CORIN: variants seen among roughly 807,000 people sequenced by gnomAD.
CORIN encodes corin, serine peptidase.
CORIN carries 117 observed loss-of-function variants against 125.3 expected under a neutral mutation model. The ratio of observed to expected loss-of-function variants is 0.93; its 90% CI spans 0.80 to 1.09. CORIN has a LOEUF of 1.09. CORIN is among the 50% of genes least tolerant of loss of function. The pLI, the probability that CORIN is intolerant of heterozygous loss-of-function variation, is 0.00. For missense variants in CORIN, 1,253 were observed against 1,306.7 expected, an observed-to-expected ratio of 0.96 and a Z score of 0.63; for synonymous variants, 450 against 466.4, an observed-to-expected ratio of 0.96 and a Z score of 0.45.
At chr4:47,661,386 A>G (rs1273195571) in intron 12 of CORIN, 3 of 187,634 alleles carry the variant, frequency 1.6e-5, no homozygotes, top group African/African-American at 7.0e-5. Flanking sequence ...TGGATATCTC[A>G]TCTACTTGAT....
intron 4 of CORIN, among the ~76,000 whole-genome samples, chr4:47,756,135 T>G (rs972349931): frequency 2.0e-5 from 3 of 152,094 alleles, no homozygotes; most frequent in Non-Finnish European, 4.4e-5. Flanking sequence ...TGATCAGAGA[T>G]TTGTCTGCAG....
At chr4:47,748,401 A>C (rs1728758929) in intron 4 of CORIN, among the ~76,000 whole-genome samples, 1 of 152,184 alleles carries the variant, frequency 6.6e-6, no homozygotes, top group Non-Finnish European at 1.5e-5. Context: ...GATTATTTTA[A>C]ATTGATGTCT....
chr4:47,618,911 T>A (rs771027147), intron 19 of CORIN, among the ~76,000 whole-genome samples: 1 of 151,754 alleles, frequency 6.6e-6, no homozygotes, highest in Non-Finnish European at 1.5e-5. Context: ...CAACCAAAAA[T>A]CTTGTTGGAT....
chr4:47,672,619 C>CGT (rs765384960), intron 10 of CORIN, among the ~76,000 whole-genome samples: 117 of 150,760 alleles, frequency 7.8e-4, no homozygotes, highest in South Asian at 3.0e-3. Flanking sequence ...ATATGTTATA[C>CGT]GTGTGTGTGT....
intron 20 of CORIN, among the ~76,000 whole-genome samples, chr4:47,601,092 A>C (rs1721431541): frequency 6.6e-6 from 1 of 152,206 alleles, no homozygotes; most frequent in Admixed American, 6.5e-5. Flanking sequence ...TATTGGAAGA[A>C]AGAGCCATTT....
intron 4 of CORIN, among the ~76,000 whole-genome samples, chr4:47,760,000 C>T (rs1048303016): frequency 6.6e-6 from 1 of 152,200 alleles, no homozygotes; most frequent in Non-Finnish European, 1.5e-5. Context: ...TTTTCACCTC[C>T]TGTCATGAAT....
At chr4:47,726,576 A>T (rs1393088214) in intron 5 of CORIN, among the ~76,000 whole-genome samples, 1 of 152,080 alleles carries the variant, frequency 6.6e-6, no homozygotes, top group African/African-American at 2.4e-5. Flanking sequence ...GACGAAGATG[A>T]TATATGTAGG....
intron 4 of CORIN, among the ~76,000 whole-genome samples, chr4:47,758,149 C>T (rs1729275726): frequency 6.6e-6 from 1 of 151,920 alleles, no homozygotes; most frequent in South Asian, 2.1e-4. Flanking sequence ...CTCCTGACCT[C>T]GTGATCTGCT....
intron 3 of CORIN, among the ~76,000 whole-genome samples, chr4:47,770,591 A>G (rs60486809): frequency 3.9e-5 from 6 of 152,354 alleles, no homozygotes; most frequent in African/African-American, 1.4e-4. Context: ...TCACTGCAGC[A>G]TTATTCACAA....
At chr4:47,736,349 C>T (rs1046624628) in intron 5 of CORIN, among the ~76,000 whole-genome samples, 4 of 152,130 alleles carry the variant, frequency 2.6e-5, no homozygotes, top group African/African-American at 9.7e-5. Context: ...ATCAATGCCC[C>T]TGTCAAGTAC....
intron 3 of CORIN, among the ~76,000 whole-genome samples, chr4:47,780,718 A>G (rs1730503476): frequency 6.6e-6 from 1 of 152,110 alleles, no homozygotes; most frequent in South Asian, 2.1e-4. Flanking sequence ...CTATTTTGGA[A>G]CTCTGGATTC....
At chr4:47,773,776 T>C (rs1027342288) in intron 3 of CORIN, among the ~76,000 whole-genome samples, 3 of 151,952 alleles carry the variant, frequency 2.0e-5, no homozygotes, top group African/African-American at 7.2e-5. Flanking sequence ...CTAATAAATA[T>C]ACCTTCTAGG....
At chr4:47,664,516 A>C (rs567180323) in intron 11 of CORIN, among the ~76,000 whole-genome samples, 8 of 152,290 alleles carry the variant, frequency 5.3e-5, no homozygotes, top group African/African-American at 1.7e-4. Flanking sequence ...TATCACTCAT[A>C]TTCAAAGTCC....
intron 3 of CORIN, among the ~76,000 whole-genome samples, chr4:47,785,517 AT>A (rs200471999): frequency 0.017 from 2,454 of 148,478 alleles, 68 homozygotes; most frequent in African/African-American, 0.057. Context: ...TCAAGGTGTG[AT>A]TTTTTTTTTT....
At chr4:47,664,267 C>T (rs1724375533) in intron 11 of CORIN, among the ~76,000 whole-genome samples, 1 of 152,208 alleles carries the variant, frequency 6.6e-6, no homozygotes, top group Non-Finnish European at 1.5e-5. Flanking sequence ...TATTGTGTTC[C>T]TGTGCTATCA....
At chr4:47,692,751 A>T (rs577181712) in intron 6 of CORIN, among the ~76,000 whole-genome samples, 5 of 152,292 alleles carry the variant, frequency 3.3e-5, no homozygotes, top group Non-Finnish European at 7.4e-5. Context: ...AAAACGCTGC[A>T]ATCCCTCATC....
intron 1 of CORIN, among the ~76,000 whole-genome samples, chr4:47,834,855 C>T (rs572444606): frequency 1.9e-4 from 29 of 152,288 alleles, no homozygotes; most frequent in Non-Finnish European, 3.4e-4. Flanking sequence ...ACTTCTAGTA[C>T]GTATTCCACA....
chr4:47,688,065 T>A (rs1243120887), intron 6 of CORIN, among the ~76,000 whole-genome samples: 1 of 152,022 alleles, frequency 6.6e-6, no homozygotes, highest in Non-Finnish European at 1.5e-5. Context: ...TAAAAAAAAG[T>A]CTCCATGCAT....
intron 6 of CORIN, among the ~76,000 whole-genome samples, chr4:47,686,255 C>G (rs1240378032): frequency 6.6e-6 from 1 of 151,792 alleles, no homozygotes; most frequent in African/African-American, 2.4e-5. Flanking sequence ...TGTTCAGTGT[C>G]TTCATTAGGA....
Sources: gnomAD v4.1 joint callset for allele counts (sites outside exome capture counted in the v4.1 genomes callset) on GRCh38, gnomAD v4.1.1 for gene constraint, MANE v1.5 for transcripts, NCBI Gene and HGNC (gene_info 2026-07-23, HGNC 2026-07-21) for gene names.